CEP162: variants seen among roughly 807,000 people sequenced by gnomAD.
CEP162 encodes centrosomal protein 162.
A neutral mutation model predicts 169.2 loss-of-function variants in CEP162; 141 were observed. The observed-to-expected ratio is 0.83, with a 90% CI of 0.73 to 0.96. The LOEUF (loss-of-function observed/expected upper bound fraction) is 0.96. CEP162 is among the 40% of genes least tolerant of loss of function. CEP162 has a pLI of 0.00. For synonymous variants in CEP162, 540 were observed against 526.4 expected, an observed-to-expected ratio of 1.03 and a Z score of -0.35; for missense variants, 1,600 against 1,587.2, an observed-to-expected ratio of 1.01 and a Z score of -0.14.
chr6:84,205,958 T>C (rs192362021), intron 6 of CEP162, among the ~76,000 whole-genome samples: 1,497 of 148,602 alleles, frequency 0.01, 252 homozygotes, highest in African/African-American at 0.037. Flanking sequence ...ATGAGTGAAC[T>C]CCCATTCACA....
intron 2 of CEP162, among the ~76,000 whole-genome samples, chr6:84,225,576 GTATT>G (rs142736132): frequency 0.038 from 5,707 of 152,112 alleles, 139 homozygotes; most frequent in South Asian, 0.094. Context: ...TATTTATTAA[GTATT>G]TATTAGGTAC....
At position 84,163,199 on chromosome 6, in the gene CEP162, G is replaced by A. The variant is rs773285916; in HGVS notation, c.2457C>T (p.Phe819=). Residue 819 remains phenylalanine (F), a synonymous_variant, in exon 19 of 27, where the codon TTC becomes TTT. Transcript: ENST00000403245. ...KQDKQALEVD[F]EKMKKERDQA... The stretch of plus-strand genomic sequence containing the variant: ...GGTCCCTCTCTTTCTTCATTTTTTC[G>A]AAGTCTACTTCAAGAGCTTGTTTGT... 8 of 1,612,570 alleles carry A rather than the reference G, an allele frequency of 5.0e-6. No individual in the cohort carries two copies. The highest frequency in any genetic ancestry group is 1.7e-4 in the Middle Eastern group (1 of 6,050).
intron 25 of CEP162, among the ~76,000 whole-genome samples, chr6:84,136,183 C>T (rs562136303): frequency 1.3e-5 from 2 of 152,354 alleles, no homozygotes; most frequent in African/African-American, 4.8e-5. Flanking sequence ...ACAAAAACAA[C>T]TGATCAGTTA....
chr6:84,212,530 C>A (rs1405977386), intron 6 of CEP162, among the ~76,000 whole-genome samples: 13 of 151,034 alleles, frequency 8.6e-5, no homozygotes, highest in Non-Finnish European at 4.4e-5. Context: ...GAAAAAAATA[C>A]AACAAAGAAG....
chr6:84,142,429 CA>C (rs1448793809), intron 25 of CEP162, among the ~76,000 whole-genome samples: 2 of 152,076 alleles, frequency 1.3e-5, no homozygotes, highest in African/African-American at 2.4e-5. Context: ...TATACGTATA[CA>C]TTTTTTTTCT....
rs137932500 is a variant in CEP162, at chr6:84,182,458, T to C, written c.1663+2729A>G. Among the ~76,000 whole-genome samples, 1,227 of 152,194 alleles carry C rather than the reference T, an allele frequency of 8.1e-3. 18 individuals are homozygous for C. The highest frequency in any genetic ancestry group is 0.028 in the African/African-American group (1,153 of 41,542). ...ACTAAAAAGGAAAACAACAACATGG[T>C]TGGTACTGCTAACTGCCAACCTTCT... is the stretch of plus-strand genomic sequence containing the variant. On this transcript the variant is annotated intron_variant, in intron 13 of 26. Coordinates refer to ENST00000403245, the MANE Select transcript of CEP162 (RefSeq NM_014895.4).
rs750884729 is a variant in CEP162 at position 84,221,168 on chromosome 6, A to G, written c.61T>C (p.Ser21Pro). 3.2e-5 allele frequency: 45 copies of G among 1,418,576 alleles called. No individual in the cohort carries two copies. The Admixed American group carries it at 7.1e-4, about 22-fold the overall frequency. The allele number at this position is 1,418,576 out of a possible 1,614,324, so 87.9% of individuals were successfully genotyped here. ...EEFEQFMKEL[S>P]DDSFENSDKT... ...TCTGAATTTTCAAAAGAATCATCTG[A>G]AAGCTGAATTAGATATAAGACATTC... Residue 21 changes from serine (S) to proline (P), a missense_variant, in exon 3 of 27, where the codon TCA becomes CCA. By Grantham distance (74) the Ser-to-Pro change is moderately conservative. Coordinates refer to ENST00000403245, the MANE Select transcript of CEP162 (RefSeq NM_014895.4).
At position 84,125,176 on chromosome 6, in the gene CEP162, A is replaced by G; in HGVS notation, c.4106T>C (p.Phe1369Ser). Residue 1369 changes from phenylalanine to serine, a missense_variant, in exon 27 of 27, where the codon TTC becomes TCC. Coordinates refer to ENST00000403245, the MANE Select transcript of CEP162 (RefSeq NM_014895.4). The stretch of plus-strand genomic sequence containing the variant: ...TAATATTGAGTCTAGTTCTGTGCGG[A>G]ACTTCTCCAGCTCACGATTCTTTAA... The part of the protein sequence containing the change: ...AQLKNRELEK[F>S]RTELDSILDV... 3 of 1,613,646 alleles carry G rather than the reference A, an allele frequency of 1.9e-6. No homozygotes were observed. Among genetic ancestry groups the G allele is most frequent in the South Asian group, 1.1e-5 (1 of 91,066 alleles).
At position 84,124,558 on chromosome 6, in the gene CEP162, GA is replaced by G. The variant is rs2099508165; in HGVS notation, c.*511del. On this transcript the variant is annotated 3_prime_UTR_variant, in exon 27 of 27. Coordinates refer to ENST00000403245, the MANE Select transcript of CEP162 (RefSeq NM_014895.4). ...CAGAGACATAAAGATGGAGATAACAGACACTGGGGACTCCAATAGGGGAAAG... is the reference window on the plus strand; with the variant it reads ...CAGAGACATAAAGATGGAGATAACAGCACTGGGGACTCCAATAGGGGAAAG... 2 of 163,458 alleles carry G rather than the reference GA, an allele frequency of 1.2e-5. No homozygotes were observed. The highest frequency in any genetic ancestry group is 3.6e-4 in the South Asian group (2 of 5,564). 10.1% of individuals were successfully genotyped at this position (163,458 alleles called of 1,614,324 possible).
chr6:84,227,577 T>G lies in CEP162; in HGVS notation c.-60+3A>C, dbSNP rs1025100606. 6 of 152,262 alleles carry G rather than the reference T, an allele frequency of 3.9e-5. No individual in the cohort carries two copies. Among genetic ancestry groups the G allele is most frequent in the Admixed American group, 1.3e-4 (2 of 15,278 alleles). 9.4% of individuals were successfully genotyped at this position (152,262 alleles called of 1,614,324 possible). A position where few individuals can be genotyped will look rare whatever the true frequency, so the allele number is the denominator to read the frequency against. ...AAACCAGCGTTCACACCTTACCACC[T>G]ACCTCTGCCTCTGAATTCCGCGCTT... On this transcript the variant is annotated splice_donor_region_variant and intron_variant, in intron 1 of 26. Coordinates refer to ENST00000403245, the MANE Select transcript of CEP162 (RefSeq NM_014895.4).
chr6:84,158,522 T>C (rs972286255), intron 21 of CEP162, among the ~76,000 whole-genome samples: 5 of 152,192 alleles, frequency 3.3e-5, no homozygotes, highest in East Asian at 1.9e-4. Flanking sequence ...ATGATTTACA[T>C]AGTTAATATA....
intron 11 of CEP162, 125 bp from the exon 12 acceptor site, chr6:84,186,748 A>T (rs555305219): frequency 3.2e-5 from 24 of 759,900 alleles, no homozygotes; most frequent in Non-Finnish European, 4.7e-5. Flanking sequence ...ATTCAAATTA[A>T]GTTAATGATG....
intron 24 of CEP162, among the ~76,000 whole-genome samples, chr6:84,148,977 T>C (rs570071010): frequency 3.3e-5 from 5 of 152,272 alleles, no homozygotes; most frequent in Non-Finnish European, 7.4e-5. Context: ...ATACCTATTT[T>C]TCAAAAAGGA....
chr6:84,159,323 C>T lies in CEP162; in HGVS notation c.2781+1489G>A, dbSNP rs117594053. On this transcript the variant is annotated intron_variant, in intron 21 of 26. Coordinates refer to ENST00000403245, the MANE Select transcript of CEP162 (RefSeq NM_014895.4). Reference sequence around the variant, plus strand: ...TTTTATAAAGTGGTATATCTCTTGCCAATATGGATTCAATTCTACATAATT... The same window carrying T: ...TTTTATAAAGTGGTATATCTCTTGCTAATATGGATTCAATTCTACATAATT... Among the ~76,000 whole-genome samples, 604 of 149,812 alleles carry T rather than the reference C, an allele frequency of 4.0e-3. 11 individuals carry two copies. The East Asian group carries it at 0.04, about 10-fold the overall frequency.
chr6:84,226,910 ACTGCATAGTTTCGTAAAGCAG>A (rs1172975440), intron 1 of CEP162, among the ~76,000 whole-genome samples: 15 of 152,324 alleles, frequency 9.8e-5, no homozygotes, highest in African/African-American at 3.6e-4. Context: ...CGTAAAGCAG[ACTGCATAGTTTCGTAAAGCAG>A]ACTGTATCCA....
intron 21 of CEP162, chr6:84,155,744 T>C (rs1562021790): frequency 2.0e-6 from 1 of 490,188 alleles, no homozygotes; most frequent in Admixed American, 3.7e-5. Flanking sequence ...CACAAACAAA[T>C]AGAAAAACAT....
At position 84,174,080 on chromosome 6, in the gene CEP162, C is replaced by G; in HGVS notation, c.2134G>C (p.Glu712Gln). The G allele has an allele frequency of 6.2e-7, 1 of 1,612,550 alleles. No individual in the cohort carries two copies. The change falls in exon 16 of 27, where the codon GAA (glutamate) becomes CAA (glutamine). Residue 712 changes from glutamate to glutamine, a missense_variant. Coordinates refer to ENST00000403245, the MANE Select transcript of CEP162 (RefSeq NM_014895.4). ...TATCCTTGAAGAAGTGTCTCTTGTT[C>G]TTGTATTTCTTTTTGGATTTGCTTC... The part of the protein sequence containing the change: ...KLKQIQKEIQ[E>Q]QETLLQGYQQ...
chr6:84,136,138 T>C (rs1229962677), intron 25 of CEP162, among the ~76,000 whole-genome samples: 1 of 152,180 alleles, frequency 6.6e-6, no homozygotes, highest in Non-Finnish European at 1.5e-5. Context: ...TAAATTCTGA[T>C]CAGTTTTACT....
intron 14 of CEP162, 68 bp from the exon 15 acceptor site, chr6:84,175,022 TAAAA>T: frequency 9.1e-7 from 1 of 1,099,190 alleles, no homozygotes; most frequent in Non-Finnish European, 1.3e-6. Context: ...GGTGGTTAAT[TAAAA>T]AAAGAATAAA....
Sources: allele counts gnomAD v4.1 joint callset (sites outside exome capture counted in the v4.1 genomes callset), GRCh38; gene constraint gnomAD v4.1.1; transcripts MANE v1.5; gene names NCBI Gene and HGNC (gene_info 2026-07-23, HGNC 2026-07-21).